ADAM23: variants seen among roughly 807,000 people sequenced by gnomAD.
ADAM23 encodes the protein disintegrin and metalloproteinase domain-containing protein 23.
In ADAM23, 33 loss-of-function variants were observed where a neutral mutation model predicts 120.1. The observed-to-expected ratio is 0.27, with a 90% confidence interval of 0.21 to 0.37. The LOEUF (loss-of-function observed/expected upper bound fraction) is 0.37, where lower values mean the gene tolerates loss of function less well. Ranked by LOEUF, ADAM23 falls within the 10% of genes least tolerant of loss-of-function variation. The pLI is 1.00. For synonymous variants in ADAM23, 367 were observed against 375.2 expected, an observed-to-expected ratio of 0.98 and a Z score of 0.25; for missense variants, 862 against 1,058.2, an observed-to-expected ratio of 0.81 and a Z score of 2.57.
chr2:206,598,361 C>T (rs1468392557), intron 24 of ADAM23, among the ~76,000 whole-genome samples: 1 of 151,972 alleles, frequency 6.6e-6, no homozygotes, highest in Non-Finnish European at 1.5e-5. Flanking sequence ...ATATCTATTC[C>T]CTGTTCCTTC....
intron 9 of ADAM23, among the ~76,000 whole-genome samples, chr2:206,557,004 T>C (rs560290380): frequency 1.1e-4 from 16 of 152,322 alleles, no homozygotes; most frequent in Admixed American, 9.8e-4. Flanking sequence ...TAAGACTAAA[T>C]TTAAAACTTA....
intron 4 of ADAM23, among the ~76,000 whole-genome samples, chr2:206,536,778 T>A (rs1191136755): frequency 6.6e-6 from 1 of 152,142 alleles, no homozygotes; most frequent in African/African-American, 2.4e-5. Flanking sequence ...CAATCTTAGC[T>A]CACTGCAACC....
In ADAM23 at chr2:206,570,800, G is replaced by A. The variant is rs1323861588; in HGVS notation, c.1555G>A (p.Gly519Ser). The change falls in exon 16 of 26, where the codon GGT (glycine) becomes AGT (serine). Residue 519 changes from glycine (G) to serine (S), a missense_variant. Gly to Ser is a moderately conservative substitution (Grantham distance 56). Coordinates refer to ENST00000264377, the MANE Select transcript of ADAM23 (RefSeq NM_003812.4). ...GGAAGCTGGGGAGGAGTGTGATTGTGGTTTTCATGTGGTAGGTATAAGAAA... is the reference window on the plus strand; with the variant it reads ...GGAAGCTGGGGAGGAGTGTGATTGTAGTTTTCATGTGGTAGGTATAAGAAA... ...YVEAGEECDC[G>S]FHVECYGLCC... 3 of 1,613,580 alleles carry A rather than the reference G, an allele frequency of 1.9e-6. No homozygotes were observed. The highest frequency in any genetic ancestry group is 2.5e-6 in the Non-Finnish European group (3 of 1,179,714).
Position 206,588,079 on chromosome 2 carries a change from T to C in ADAM23, c.1789-12T>C, listed in dbSNP as rs1343906155. On this transcript the variant is annotated splice_polypyrimidine_tract_variant and intron_variant, in intron 19 of 25. Coordinates refer to ENST00000264377, the MANE Select transcript of ADAM23 (RefSeq NM_003812.4). ...GACTCTGTGTGCCTCACATGTGTGC[T>C]CCTGTCCCCAGGGCCGCTGCTACAA... 6 of 1,613,928 alleles carry C rather than the reference T, an allele frequency of 3.7e-6. No individual in the cohort carries two copies. Among genetic ancestry groups the C allele is most frequent in the African/African-American group, 1.3e-5 (1 of 74,916 alleles).
At chr2:206,487,506 G>C (rs1239380384) in intron 3 of ADAM23, among the ~76,000 whole-genome samples, 1 of 152,164 alleles carries the variant, frequency 6.6e-6, no homozygotes, top group East Asian at 1.9e-4. Flanking sequence ...CGAGACACTT[G>C]GTACTTGTCC....
chr2:206,451,737 G>A (rs995944211), intron 2 of ADAM23, among the ~76,000 whole-genome samples: 1 of 152,202 alleles, frequency 6.6e-6, no homozygotes, highest in African/African-American at 2.4e-5. Context: ...AAGAGAGGTA[G>A]GGTGTATTGG....
chr2:206,543,284 A>T lies in ADAM23; in HGVS notation c.688A>T (p.Met230Leu). 1 of 1,614,102 alleles carries T rather than the reference A, an allele frequency of 6.2e-7. No homozygotes were observed. The highest frequency in any genetic ancestry group is 8.5e-7 in the Non-Finnish European group (1 of 1,179,964). ...GTTTGAAGATGATACCTTCGTGTAT[A>T]TGATAGAGCCACTAGAGCTGGTTCA... ...GMFEDDTFVY[M>L]IEPLELVHDE... The change falls in exon 6 of 26, where the codon ATG becomes TTG. Residue 230 changes from methionine (M) to leucine (L), a missense_variant. By Grantham distance (15) the Met-to-Leu change is conservative. This residue lies in a region of ADAM23 where 617 missense variants were observed against 813.5 expected (regional missense o/e 0.76). Transcript: ENST00000264377.
At chr2:206,477,894 AAAAATATATATATAT>A (rs1322748061) in intron 2 of ADAM23, among the ~76,000 whole-genome samples, 21 of 116,740 alleles carry the variant, frequency 1.8e-4, no homozygotes, top group African/African-American at 6.8e-4. Context: ...AAAAAAAAAA[AAAAATATATATATAT>A]ATATATATAT....
At chr2:206,533,331 C>T (rs1034579643) in intron 4 of ADAM23, among the ~76,000 whole-genome samples, 4 of 152,054 alleles carry the variant, frequency 2.6e-5, no homozygotes, top group Non-Finnish European at 2.9e-5. Flanking sequence ...TCTCCCAAGT[C>T]GCTGGGATTA....
At chr2:206,465,095 G>T (rs1695516557) in intron 2 of ADAM23, among the ~76,000 whole-genome samples, 1 of 152,026 alleles carries the variant, frequency 6.6e-6, no homozygotes, top group South Asian at 2.1e-4. Flanking sequence ...ACTCAGGCTG[G>T]AGTGCAGTGG....
chr2:206,482,321 G>A (rs1427844520), intron 3 of ADAM23, among the ~76,000 whole-genome samples: 1 of 152,168 alleles, frequency 6.6e-6, no homozygotes, highest in African/African-American at 2.4e-5. Context: ...GTTGAGTTCC[G>A]TTTCACCATG....
chr2:206,518,864 G>A (rs896882451), intron 3 of ADAM23, among the ~76,000 whole-genome samples: 2 of 152,160 alleles, frequency 1.3e-5, no homozygotes, highest in Non-Finnish European at 2.9e-5. Flanking sequence ...TGGGCCTGAA[G>A]TCATCCCAGT....
chr2:206,601,469 C>A (rs916548164), intron 24 of ADAM23, among the ~76,000 whole-genome samples: 1 of 152,098 alleles, frequency 6.6e-6, no homozygotes, highest in African/African-American at 2.4e-5. Context: ...TTCCATACTC[C>A]TGTTTTGAAG....
chr2:206,550,070 G>A, intron 8 of ADAM23, 25 bp from the exon 9 acceptor site: 1 of 1,448,390 alleles, frequency 6.9e-7, no homozygotes, highest in African/African-American at 1.4e-5. Context: ...TCACTATTCT[G>A]ACCATATATT....
chr2:206,541,057 G>A (rs2105806210), intron 4 of ADAM23, among the ~76,000 whole-genome samples: 1 of 150,980 alleles, frequency 6.6e-6, no homozygotes, highest in South Asian at 2.1e-4. Flanking sequence ...AGGTGTCACA[G>A]CAGGAGGCTG....
At chr2:206,530,209 G>A (rs1226357768) in intron 3 of ADAM23, among the ~76,000 whole-genome samples, 2 of 152,198 alleles carry the variant, frequency 1.3e-5, no homozygotes, top group African/African-American at 4.8e-5. Context: ...TGTCCATACA[G>A]TTTTATTGGA....
At chr2:206,587,144 TAC>T (rs1698338261) in intron 18 of ADAM23, among the ~76,000 whole-genome samples, 179 bp from the exon 19 acceptor site, 1 of 152,222 alleles carries the variant, frequency 6.6e-6, no homozygotes, top group Admixed American at 6.5e-5. Flanking sequence ...GGCCCTTACT[TAC>T]TTATTTTACC....
chr2:206,478,630 C>T (rs1041063028), intron 2 of ADAM23, among the ~76,000 whole-genome samples: 5 of 152,060 alleles, frequency 3.3e-5, no homozygotes, highest in Admixed American at 6.6e-5. Context: ...TTCTTGTTTG[C>T]GATCATAAAT....
At chr2:206,535,782 T>G (rs1697160223) in intron 4 of ADAM23, among the ~76,000 whole-genome samples, 1 of 152,174 alleles carries the variant, frequency 6.6e-6, no homozygotes, top group South Asian at 2.1e-4. Context: ...GAAAGTAGGT[T>G]CATGATTGCC....
Sources: allele counts gnomAD v4.1 joint callset (sites outside exome capture counted in the v4.1 genomes callset), GRCh38; gene constraint gnomAD v4.1.1; regional missense constraint gnomAD v4.1.1; transcripts MANE v1.5; gene names NCBI Gene and HGNC (gene_info 2026-07-23, HGNC 2026-07-21).